Variants in ERC2 observed in about 807,000 individuals in gnomAD.
ERC2 encodes the protein ERC protein 2.
A neutral mutation model predicts 114.8 loss-of-function variants in ERC2; 42 were observed. The ratio of observed to expected loss-of-function variants is 0.37; its 90% CI spans 0.29 to 0.47. The LOEUF (loss-of-function observed/expected upper bound fraction) is 0.47. ERC2 is among the 20% of genes least tolerant of loss of function. The pLI, the probability that ERC2 is intolerant of heterozygous loss-of-function variation, is 0.99. For synonymous variants in ERC2, 454 were observed against 425.5 expected (o/e 1.07, Z -0.82); for missense variants, 939 against 1,150.7 (o/e 0.82, Z 2.66).
chr3:56,090,633 ATAT>A (rs972869244), intron 6 of ERC2, among the ~76,000 whole-genome samples: 7 of 152,050 alleles, frequency 4.6e-5, no homozygotes, highest in Non-Finnish European at 7.4e-5. Context: ...CAAATTGGAA[ATAT>A]TATGAATACA....
At chr3:55,611,635 T>A (rs2058913026) in intron 17 of ERC2, among the ~76,000 whole-genome samples, 1 of 152,162 alleles carries the variant, frequency 6.6e-6, no homozygotes. Flanking sequence ...CAGCCTCCCC[T>A]CCAGCTATCA....
At chr3:56,433,983 T>C (rs2061906530) in intron 2 of ERC2, 1 of 206,502 alleles carries the variant, frequency 4.8e-6, no homozygotes, top group African/African-American at 2.3e-5. Context: ...AAGTCTTTAT[T>C]CTTACAGAAA....
intron 12 of ERC2, among the ~76,000 whole-genome samples, chr3:55,955,367 T>C (rs758224120): frequency 5.0e-4 from 76 of 152,114 alleles, no homozygotes; most frequent in Non-Finnish European, 8.5e-4. Flanking sequence ...AATCAAAATA[T>C]AGAGCATTGC....
intron 12 of ERC2, among the ~76,000 whole-genome samples, chr3:55,978,551 T>C (rs2069787150): frequency 6.6e-6 from 1 of 152,232 alleles, no homozygotes; most frequent in Admixed American, 6.5e-5. Context: ...CCTGTTACTC[T>C]TGGCATGAAA....
rs1382492859 is a variant in ERC2 at position 56,168,727 on chromosome 3, A to C, written c.1149+4719T>G. ...ACAGGCTAAATTTGACCAAATACCA[A>C]GATACCTTTTAAGTGAAACTTAACC... is the stretch of plus-strand genomic sequence containing the variant. On this transcript the variant is annotated intron_variant, in intron 4 of 17. Coordinates refer to ENST00000288221, the MANE Select transcript of ERC2 (RefSeq NM_015576.3). Among the ~76,000 whole-genome samples the C allele has an allele frequency of 2.0e-5, 3 of 152,362 alleles. No individual in the cohort carries two copies. The East Asian group carries it at 5.8e-4, about 29-fold the overall frequency.
chr3:56,311,231 TTCTCTCTCTCTCTCTCTCTC>T (rs370683995), intron 2 of ERC2, among the ~76,000 whole-genome samples: 1,295 of 95,508 alleles, frequency 0.014, 16 homozygotes, highest in African/African-American at 0.018. Context: ...ATCCATCATC[TTCTCTCTCTCTCTCTCTCTC>T]TCTCTATATA....
At chr3:55,824,384 C>T (rs1471723962) in intron 14 of ERC2, among the ~76,000 whole-genome samples, 2 of 152,144 alleles carry the variant, frequency 1.3e-5, no homozygotes, top group African/African-American at 4.8e-5. Context: ...AACAGAGACT[C>T]CTGTTAACCT....
intron 15 of ERC2, among the ~76,000 whole-genome samples, chr3:55,704,029 T>C (rs1191313660): frequency 6.6e-6 from 1 of 152,192 alleles, no homozygotes; most frequent in Non-Finnish European, 1.5e-5. Context: ...CCCTAGCGTT[T>C]GGGGGAGCAG....
chr3:55,910,834 G>A (rs779652323), intron 13 of ERC2, among the ~76,000 whole-genome samples: 3 of 152,188 alleles, frequency 2.0e-5, no homozygotes, highest in Admixed American at 6.5e-5. Context: ...TCTACAGTCT[G>A]ATAACCACTA....
intron 17 of ERC2, among the ~76,000 whole-genome samples, chr3:55,616,708 G>A (rs1161412302): frequency 1.3e-5 from 2 of 151,442 alleles, no homozygotes; most frequent in African/African-American, 2.4e-5. Flanking sequence ...AAACTAGCAT[G>A]GTAGGGACTA....
At chr3:55,622,146 C>G (rs1004408252) in intron 17 of ERC2, among the ~76,000 whole-genome samples, 2 of 152,168 alleles carry the variant, frequency 1.3e-5, no homozygotes, top group Non-Finnish European at 2.9e-5. Flanking sequence ...TTTGAAAATC[C>G]GGCCACACTT....
At chr3:55,781,615 T>C (rs974425246) in intron 14 of ERC2, among the ~76,000 whole-genome samples, 2 of 151,924 alleles carry the variant, frequency 1.3e-5, no homozygotes, top group Non-Finnish European at 2.9e-5. Flanking sequence ...CTCACACCTG[T>C]AATCCCAGCA....
At chr3:55,905,871 C>T (rs2149353606) in intron 13 of ERC2, among the ~76,000 whole-genome samples, 1 of 152,294 alleles carries the variant, frequency 6.6e-6, no homozygotes, top group Non-Finnish European at 1.5e-5. Context: ...TCCCAAAGGC[C>T]CTTCTGAGTC....
chr3:56,228,128 A>G (rs2150168378), intron 3 of ERC2, among the ~76,000 whole-genome samples: 1 of 152,326 alleles, frequency 6.6e-6, no homozygotes, highest in East Asian at 1.9e-4. Flanking sequence ...TGCTGGGGAC[A>G]GGAAACTTCC....
At chr3:56,145,175 A>G (rs2081073701) in intron 5 of ERC2, among the ~76,000 whole-genome samples, 1 of 152,174 alleles carries the variant, frequency 6.6e-6, no homozygotes, top group Admixed American at 6.5e-5. Context: ...CTAGAAAGTG[A>G]TATGCTTACT....
chr3:55,677,854 C>T (rs1004413568), intron 17 of ERC2, among the ~76,000 whole-genome samples: 8 of 152,146 alleles, frequency 5.3e-5, no homozygotes, highest in Non-Finnish European at 7.4e-5. Flanking sequence ...GGCTTATGGA[C>T]GCCTGCTTGA....
intron 17 of ERC2, among the ~76,000 whole-genome samples, chr3:55,540,495 G>C: frequency 6.6e-6 from 1 of 152,182 alleles, no homozygotes; most frequent in East Asian, 1.9e-4. Flanking sequence ...GTAAGAAATG[G>C]TCTATGCTCA....
At chr3:55,815,219 A>G (rs2059865427) in intron 14 of ERC2, among the ~76,000 whole-genome samples, 1 of 148,838 alleles carries the variant, frequency 6.7e-6, no homozygotes, top group Non-Finnish European at 1.5e-5. Context: ...TGAGACATCT[A>G]CTCTTAGTGG....
At chr3:55,545,052 C>T (rs919428141) in intron 17 of ERC2, among the ~76,000 whole-genome samples, 2 of 152,168 alleles carry the variant, frequency 1.3e-5, no homozygotes, top group African/African-American at 4.8e-5. Context: ...TCTGTATTGT[C>T]AGTCATCATT....
Sources: gnomAD v4.1 joint callset for allele counts (sites outside exome capture counted in the v4.1 genomes callset) on GRCh38, gnomAD v4.1.1 for gene constraint, MANE v1.5 for transcripts, NCBI Gene and HGNC (gene_info 2026-07-23, HGNC 2026-07-21) for gene names.